R3HDML: variants seen among roughly 807,000 people sequenced by gnomAD.
R3HDML encodes peptidase inhibitor R3HDML.
In R3HDML, 21 loss-of-function variants were observed where a neutral mutation model predicts 24.2. That is an observed-to-expected ratio of 0.87 (90% CI 0.62 to 1.25). The LOEUF (loss-of-function observed/expected upper bound fraction) is 1.25, where lower values mean the gene tolerates loss of function less well. R3HDML is among the 50% of genes most tolerant of loss of function. The pLI is 0.00. For synonymous variants in R3HDML, 133 were observed against 131.5 expected, an observed-to-expected ratio of 1.01 and a Z score of -0.08; for missense variants, 301 against 340.3, an observed-to-expected ratio of 0.88 and a Z score of 0.91.
chr20:44,341,612 C>T (rs6031530), intron 2 of R3HDML, among the ~76,000 whole-genome samples: 37,180 of 152,118 alleles, frequency 0.24, 4,936 homozygotes, highest in Middle Eastern at 0.36. Flanking sequence ...GGGCCGGGCA[C>T]GGTGGCTTAC....
At chr20:44,339,842 G>A (rs186729866) in intron 1 of R3HDML, among the ~76,000 whole-genome samples, 3 of 152,088 alleles carry the variant, frequency 2.0e-5, no homozygotes, top group Admixed American at 6.5e-5. Flanking sequence ...GCAGTGGCAC[G>A]ATCTCGGCTC....
At position 44,337,136 on chromosome 20, in the gene R3HDML, C is replaced by T. The variant is rs765216990; in HGVS notation, c.-22C>T. 6.2e-7 allele frequency: 1 copy of T among 1,605,678 alleles called. No homozygotes were observed. The highest frequency in any genetic ancestry group is 8.5e-7 in the Non-Finnish European group (1 of 1,175,266). The stretch of plus-strand genomic sequence containing the variant: ...GCCGGCTCTGATTGCACAAGGCAGA[C>T]CTGTGACTCCTCCATCCAGCTATGC... On this transcript the variant is annotated 5_prime_UTR_variant, in exon 1 of 5. Coordinates refer to ENST00000217043, the MANE Select transcript of R3HDML (RefSeq NM_178491.4). This position sits in a 1 kb window ranked among gnomAD's most constrained non-coding sequence, Gnocchi z 4.7.
chr20:44,346,740 C>T (rs926053862), intron 4 of R3HDML, among the ~76,000 whole-genome samples: 3 of 152,234 alleles, frequency 2.0e-5, no homozygotes, highest in Non-Finnish European at 4.4e-5. Flanking sequence ...GTGTGCTTAG[C>T]TTCTCCAGTT....
intron 4 of R3HDML, among the ~76,000 whole-genome samples, chr20:44,348,699 G>C (rs1236136606): frequency 6.6e-6 from 1 of 151,580 alleles, no homozygotes; most frequent in East Asian, 1.9e-4. Flanking sequence ...TTTTTGTAGA[G>C]ACGGGGGTCT....
Position 44,345,388 on chromosome 20 carries a change from T to C in R3HDML, c.629+10T>C, listed in dbSNP as rs755576422. 2 of 1,603,032 alleles carry C rather than the reference T, an allele frequency of 1.2e-6. No individual in the cohort carries two copies. The highest frequency in any genetic ancestry group is 3.4e-5 in the Admixed American group (2 of 59,178). On this transcript the variant is annotated intron_variant, in intron 4 of 4. Transcript: ENST00000217043. ...GCAACTATGCCATTAAGTAAGTGCC[T>C]GCACCAAGGCAAAGAGGGCCCTGGG...
intron 4 of R3HDML, among the ~76,000 whole-genome samples, chr20:44,350,458 C>G (rs1351645021): frequency 2.0e-5 from 3 of 151,462 alleles, no homozygotes; most frequent in African/African-American, 7.3e-5. Flanking sequence ...GACGTCAAGG[C>G]TGCAGTGAGC....
chr20:44,338,960 C>G (rs1028565655), intron 1 of R3HDML, among the ~76,000 whole-genome samples: 1 of 151,110 alleles, frequency 6.6e-6, no homozygotes, highest in African/African-American at 2.4e-5. Flanking sequence ...TAATCCCAAG[C>G]TACTTGAGAG....
chr20:44,340,526 C>G (rs112620019), intron 1 of R3HDML, among the ~76,000 whole-genome samples: 1 of 152,232 alleles, frequency 6.6e-6, no homozygotes. Flanking sequence ...TTCAGCCTCC[C>G]GAAGTGCCCT....
At chr20:44,346,585 T>A (rs1177350893) in intron 4 of R3HDML, among the ~76,000 whole-genome samples, 1 of 152,226 alleles carries the variant, frequency 6.6e-6, no homozygotes, top group African/African-American at 2.4e-5. Flanking sequence ...GACCTACACA[T>A]CCAGTGGCAG....
chr20:44,338,239 T>C (rs1389007472), intron 1 of R3HDML, among the ~76,000 whole-genome samples: 1 of 152,128 alleles, frequency 6.6e-6, no homozygotes, highest in Admixed American at 6.5e-5. Flanking sequence ...TGCCACTCGA[T>C]AGCCTGAAAA....
Position 44,341,144 on chromosome 20 carries a change from G to C in R3HDML, c.262-52G>C, listed in dbSNP as rs113588011. 1,982 of 1,459,420 alleles carry C rather than the reference G, an allele frequency of 1.4e-3. 33 individuals are homozygous for C. The African/African-American group carries it at 0.025, about 18-fold the overall frequency. The allele number at this position is 1,459,420 out of a possible 1,614,324, so 90.4% of individuals were successfully genotyped here. ...TAAATGTGCATCTCTGGACACAGTT[G>C]TGACGATGGTGGCAATTCCCCTGGG... On this transcript the variant is annotated intron_variant, in intron 1 of 4. Coordinates refer to ENST00000217043, the MANE Select transcript of R3HDML (RefSeq NM_178491.4).
In R3HDML at chr20:44,343,369, C is replaced by A. The variant is rs757151450; in HGVS notation, c.381-8C>A. The A allele has an allele frequency of 6.2e-7, 1 of 1,606,986 alleles. No individual in the cohort carries two copies. On this transcript the variant is annotated splice_polypyrimidine_tract_variant and splice_region_variant and intron_variant, in intron 2 of 4. Coordinates refer to ENST00000217043, the MANE Select transcript of R3HDML (RefSeq NM_178491.4). ...ACCCAGCTTCTTCCGTGTCCCCCGC[C>A]TCCCCAGGTACCGGTCCGTAGTGGA... is the stretch of plus-strand genomic sequence containing the variant.
intron 4 of R3HDML, 46 bp downstream of exon 4, chr20:44,345,424 G>A: frequency 1.5e-6 from 2 of 1,362,136 alleles, no homozygotes; most frequent in South Asian, 1.3e-5. Flanking sequence ...GCCGGCGGGT[G>A]GGTCCTGAGA....
chr20:44,338,607 T>A (rs1473141530), intron 1 of R3HDML, among the ~76,000 whole-genome samples: 2 of 152,200 alleles, frequency 1.3e-5, no homozygotes, highest in African/African-American at 4.8e-5. Context: ...GTGTGGCACC[T>A]GCCCCAACAG....
intron 4 of R3HDML, 152 bp from the exon 5 acceptor site, chr20:44,350,508 A>C (rs1158378619): frequency 1.7e-6 from 1 of 591,658 alleles, no homozygotes; most frequent in African/African-American, 2.0e-5. Context: ...AAATAAATAA[A>C]TAAAGGAAAG....
At position 44,339,577 on chromosome 20, in the gene R3HDML, A is replaced by ATGTGTGTGTGTGTGTGTGTG. The variant is rs1037269097; in HGVS notation, c.262-1618_262-1617insGTGTGTGTGTGTGTGTGTGT. Among the ~76,000 whole-genome samples, 709 of 108,570 alleles carry ATGTGTGTGTGTGTGTGTGTG rather than the reference A, an allele frequency of 6.5e-3. 5 individuals carry two copies. Among genetic ancestry groups the ATGTGTGTGTGTGTGTGTGTG allele is most frequent in the African/African-American group, 0.023 (688 of 29,308 alleles). The allele number at this position is 108,570 out of a possible 152,430, so 71.2% of individuals were successfully genotyped here. On this transcript the variant is annotated intron_variant, in intron 1 of 4. Transcript: ENST00000217043. Reference sequence around the variant, plus strand: ...AGAATATGCTGCCATTTGCCTATATATATGTGTGTGTGTGTGTGTGTGTGT... The same window carrying ATGTGTGTGTGTGTGTGTGTG: ...AGAATATGCTGCCATTTGCCTATATATGTGTGTGTGTGTGTGTGTGTATGTGTGTGTGTGTGTGTGTGTGT...
chr20:44,348,482 C>CTTTCCTTTCCTT (rs1555804761), intron 4 of R3HDML, among the ~76,000 whole-genome samples: 1 of 135,132 alleles, frequency 7.4e-6, no homozygotes. Context: ...TTTTCCCTTT[C>CTTTCCTTTCCTT]TCCTTTCCTT....
intron 4 of R3HDML, among the ~76,000 whole-genome samples, chr20:44,349,741 G>C (rs2062803137): frequency 6.6e-6 from 1 of 152,204 alleles, no homozygotes; most frequent in Admixed American, 6.5e-5. Flanking sequence ...ATGAGCAAGA[G>C]CTGGAGGAAC....
Position 44,337,083 on chromosome 20 carries a change from G to A in R3HDML, c.-75G>A, listed in dbSNP as rs2062759123. 6.5e-7 allele frequency: 1 copy of A among 1,528,146 alleles called. No homozygotes were observed. Among genetic ancestry groups the A allele is most frequent in the Non-Finnish European group, 8.8e-7 (1 of 1,133,926 alleles). 94.7% of individuals were successfully genotyped at this position (1,528,146 alleles called of 1,614,324 possible). ...ACTGTTGGAGAACGCTCAGGGTCTG[G>A]TGCTCTCGTGCCTGCCCCTTCCAGG... is the stretch of plus-strand genomic sequence containing the variant. On this transcript the variant is annotated 5_prime_UTR_variant, in exon 1 of 5. It adds an upstream start codon to the 5' untranslated region. Transcript: ENST00000217043. The surrounding 1 kb of genome is among the most constrained non-coding windows in gnomAD (Gnocchi z 4.7).
Sources: gnomAD v4.1 joint callset for allele counts (sites outside exome capture counted in the v4.1 genomes callset) on GRCh38, gnomAD v4.1.1 for gene constraint, Gnocchi (gnomAD v3.1) non-coding constraint, MANE v1.5 for transcripts, NCBI Gene and HGNC (gene_info 2026-07-23, HGNC 2026-07-21) for gene names.